BLM: variants seen among roughly 807,000 people sequenced by gnomAD.
BLM encodes the protein recQ-like DNA helicase BLM.
Under a neutral mutation model 135.3 loss-of-function variants are expected in BLM, and 95 were observed. The observed-to-expected ratio is 0.70, with a 90% CI of 0.59 to 0.83. BLM has a LOEUF of 0.83. Among genes scored for constraint, BLM ranks in the 40% least tolerant of loss-of-function variants. The pLI is 0.00. For missense variants in BLM, 1,518 were observed against 1,663.9 expected (o/e 0.91, Z 1.53); for synonymous variants, 520 against 589.2 (o/e 0.88, Z 1.70).
At chr15:90,799,229 T>G (rs139429475) in intron 17 of BLM, among the ~76,000 whole-genome samples, 279 of 151,908 alleles carry the variant, frequency 1.8e-3, no homozygotes, top group African/African-American at 6.4e-3. Context: ...CCCTGGGTGA[T>G]AGAAATAATT....
At chr15:90,743,117 T>C (rs561124793) in intron 1 of BLM, among the ~76,000 whole-genome samples, 1 of 150,674 alleles carries the variant, frequency 6.6e-6, no homozygotes, top group East Asian at 2.0e-4. Flanking sequence ...CACCTCAGCC[T>C]CCCTGAGTAG....
chr15:90,725,074 A>C (rs1894874532), intron 1 of BLM, among the ~76,000 whole-genome samples: 1 of 152,036 alleles, frequency 6.6e-6, no homozygotes, highest in Non-Finnish European at 1.5e-5. Context: ...ATGCCTGGCT[A>C]ATTTTTGTAT....
At chr15:90,791,926 C>T (rs1487766113) in intron 15 of BLM, among the ~76,000 whole-genome samples, 2 of 152,088 alleles carry the variant, frequency 1.3e-5, no homozygotes, top group African/African-American at 2.4e-5. Context: ...AGGTGTGAGC[C>T]ACCACGCCCG....
At chr15:90,802,754 G>A (rs904770027) in intron 17 of BLM, among the ~76,000 whole-genome samples, 1 of 152,038 alleles carries the variant, frequency 6.6e-6, no homozygotes, top group Admixed American at 6.6e-5. Context: ...ACCAGCCTGA[G>A]CAATGTAGTG....
intron 19 of BLM, among the ~76,000 whole-genome samples, chr15:90,804,719 C>G (rs1189272944): frequency 6.6e-6 from 1 of 152,184 alleles, no homozygotes; most frequent in Non-Finnish European, 1.5e-5. Context: ...CCTGCCTTAG[C>G]CTGCCAGAGT....
intron 21 of BLM, among the ~76,000 whole-genome samples, chr15:90,813,331 A>G (rs1248066179): frequency 1.3e-5 from 2 of 152,190 alleles, no homozygotes; most frequent in Non-Finnish European, 2.9e-5. Context: ...AGAAGCAGTA[A>G]AGCTCACACT....
Position 90,815,365 on chromosome 15 carries a change from A to G in BLM, c.*86A>G. 2 of 1,464,848 alleles carry G rather than the reference A, an allele frequency of 1.4e-6. No individual in the cohort carries two copies. The highest frequency in any genetic ancestry group is 9.5e-7 in the Non-Finnish European group (1 of 1,053,064). 90.7% of individuals were successfully genotyped at this position (1,464,848 alleles called of 1,614,324 possible). ...ACTATAAAGCTGTTATTCTTGTTAT[A>G]CCATTTGAAGTTTTTACTCGTCTCT... On this transcript the variant is annotated 3_prime_UTR_variant, in exon 22 of 22. Transcript: ENST00000355112. The surrounding 1 kb of genome is among the most constrained non-coding windows in gnomAD (Gnocchi z 4.6).
chr15:90,799,020 C>T (rs1018210904), intron 17 of BLM, among the ~76,000 whole-genome samples: 5 of 150,658 alleles, frequency 3.3e-5, no homozygotes, highest in Admixed American at 6.6e-5. Flanking sequence ...CAAAAATTAG[C>T]CAGGTGTGGT....
intron 1 of BLM, among the ~76,000 whole-genome samples, chr15:90,742,140 G>T (rs961334661): frequency 6.6e-6 from 1 of 152,166 alleles, no homozygotes; most frequent in Non-Finnish European, 1.5e-5. Context: ...AGAACAGAAA[G>T]TTGCTTGCCC....
chr15:90,780,693 C>A lies in BLM; in HGVS notation c.2556-2129C>A, dbSNP rs527667377. On this transcript the variant is annotated intron_variant, in intron 12 of 21. Coordinates refer to ENST00000355112, the MANE Select transcript of BLM (RefSeq NM_000057.4). ...AGCAAGATTTGAATTTGCTGAGCAC[C>A]AAGCGCTATGCTGTGTCCACATGAA... 5.2e-4 allele frequency among the ~76,000 whole-genome samples: 79 copies of A among 152,322 alleles called. No individual in the cohort carries two copies. In the South Asian group the frequency reaches 9.9e-3, roughly 19 times the overall value.
chr15:90,797,414 C>CAAAAAAAAAAAA (rs56369282), intron 16 of BLM, among the ~76,000 whole-genome samples: 31 of 109,578 alleles, frequency 2.8e-4, no homozygotes, highest in Non-Finnish European at 4.3e-4. Flanking sequence ...AACTCCATCT[C>CAAAAAAAAAAAA]AAAAAAAAAA....
At chr15:90,812,365 G>A (rs553012798) in intron 21 of BLM, among the ~76,000 whole-genome samples, 3 of 152,180 alleles carry the variant, frequency 2.0e-5, no homozygotes, top group Non-Finnish European at 4.4e-5. Flanking sequence ...TTCCTGGGCC[G>A]CTCGTCTGGG....
At chr15:90,770,169 C>CT (rs1332719229) in intron 12 of BLM, among the ~76,000 whole-genome samples, 2 of 133,928 alleles carry the variant, frequency 1.5e-5, no homozygotes, top group African/African-American at 2.8e-5. Flanking sequence ...AAAAGAAATC[C>CT]CCCCCCCCTT....
chr15:90,772,504 G>A (rs933339158), intron 12 of BLM, among the ~76,000 whole-genome samples: 1 of 152,154 alleles, frequency 6.6e-6, no homozygotes, highest in Non-Finnish European at 1.5e-5. Flanking sequence ...ACAAAAGCAA[G>A]GTAGGTACTC....
chr15:90,811,103 T>G (rs1596273320), intron 20 of BLM, 102 bp from the exon 21 acceptor site: 2 of 1,196,262 alleles, frequency 1.7e-6, no homozygotes, highest in Admixed American at 1.7e-5. Flanking sequence ...AGCAGCTAGG[T>G]ATCTGCTAAA....
chr15:90,799,545 A>G (rs748030103), intron 17 of BLM, among the ~76,000 whole-genome samples: 13 of 151,536 alleles, frequency 8.6e-5, no homozygotes, highest in Non-Finnish European at 1.6e-4. Flanking sequence ...TATCAAACCA[A>G]TGATCTAGGA....
chr15:90,769,392 G>A (rs771402622), intron 11 of BLM, 46 bp from the exon 12 acceptor site: 2 of 1,611,204 alleles, frequency 1.2e-6, no homozygotes, highest in Non-Finnish European at 1.7e-6. Flanking sequence ...TTTTATAGAA[G>A]GAAGCTCCAA....
At chr15:90,764,697 T>G (rs1896076143) in intron 8 of BLM, among the ~76,000 whole-genome samples, 1 of 152,226 alleles carries the variant, frequency 6.6e-6, no homozygotes, top group East Asian at 1.9e-4. Context: ...TTAGAGACTC[T>G]TCTACTACTA....
At chr15:90,728,621 G>A (rs1046166785) in intron 1 of BLM, among the ~76,000 whole-genome samples, 7 of 144,942 alleles carry the variant, frequency 4.8e-5, no homozygotes, top group Admixed American at 6.9e-5. Flanking sequence ...GGCCAGGCTG[G>A]TCTCGAACTC....
Sources: allele counts gnomAD v4.1 joint callset (sites outside exome capture counted in the v4.1 genomes callset), GRCh38; gene constraint gnomAD v4.1.1; non-coding constraint Gnocchi (gnomAD v3.1); transcripts MANE v1.5; gene names NCBI Gene and HGNC (gene_info 2026-07-23, HGNC 2026-07-21).